NPHP4: variants seen among roughly 807,000 people sequenced by gnomAD.
NPHP4 encodes the protein nephrocystin-4.
NPHP4 carries 151 observed loss-of-function variants against 155.8 expected under a neutral mutation model. The ratio of observed to expected loss-of-function variants is 0.97; its 90% CI spans 0.85 to 1.11. The LOEUF (loss-of-function observed/expected upper bound fraction) is 1.11, where lower values mean the gene tolerates loss of function less well. Ranked by LOEUF, NPHP4 falls within the 50% of genes least tolerant of loss-of-function variation. The pLI is 0.00. For missense variants in NPHP4, 1,956 were observed against 1,925.7 expected, an observed-to-expected ratio of 1.02 and a Z score of -0.29; for synonymous variants, 845 against 816.8, an observed-to-expected ratio of 1.03 and a Z score of -0.59.
intron 3 of NPHP4, among the ~76,000 whole-genome samples, chr1:5,977,251 C>T (rs926752744): frequency 1.3e-5 from 2 of 152,028 alleles, no homozygotes; most frequent in African/African-American, 4.8e-5. Context: ...CCAGAAGGCA[C>T]GACGGGGCCA....
intron 29 of NPHP4, 126 bp from the exon 30 acceptor site, chr1:5,863,531 C>T: frequency 1.8e-6 from 2 of 1,139,114 alleles, no homozygotes; most frequent in South Asian, 1.4e-5. Context: ...CCTGCGGGTG[C>T]ATCCAAGGCC....
At chr1:5,973,530 T>A (rs1652971656) in intron 3 of NPHP4, among the ~76,000 whole-genome samples, 1 of 152,142 alleles carries the variant, frequency 6.6e-6, no homozygotes, top group Non-Finnish European at 1.5e-5. Context: ...AAGGCTGCAA[T>A]GAGCTATGAT....
chr1:5,876,971 T>C, intron 20 of NPHP4, 122 bp downstream of exon 20: 1 of 681,036 alleles, frequency 1.5e-6, no homozygotes, highest in Non-Finnish European at 2.1e-6. Context: ...TTTTCTTATA[T>C]TCTGTCCCCA....
intron 6 of NPHP4, among the ~76,000 whole-genome samples, chr1:5,958,178 C>T (rs1475924506): frequency 2.0e-5 from 3 of 152,250 alleles, no homozygotes; most frequent in Admixed American, 6.5e-5. Flanking sequence ...TTTTAAAACG[C>T]TCTTTAGCAT....
intron 9 of NPHP4, among the ~76,000 whole-genome samples, chr1:5,945,932 G>A (rs115442234): frequency 0.042 from 6,333 of 152,050 alleles, 185 homozygotes; most frequent in Middle Eastern, 0.065. Context: ...TCATCCCTCC[G>A]TCCCGCATAT....
chr1:5,977,143 C>G (rs1182060664), intron 3 of NPHP4, among the ~76,000 whole-genome samples: 1 of 152,140 alleles, frequency 6.6e-6, no homozygotes, highest in African/African-American at 2.4e-5. Flanking sequence ...TCGAGTTCAG[C>G]TGTGAAGCAG....
intron 11 of NPHP4, among the ~76,000 whole-genome samples, chr1:5,916,707 G>C (rs963463229): frequency 4.6e-5 from 7 of 152,324 alleles, no homozygotes; most frequent in Admixed American, 2.0e-4. Context: ...CCACAGCTCT[G>C]CATCTTAAGA....
intron 1 of NPHP4, among the ~76,000 whole-genome samples, chr1:5,991,100 GCCT>G (rs1314566374): frequency 1.3e-5 from 2 of 151,772 alleles, no homozygotes; most frequent in African/African-American, 4.8e-5. Flanking sequence ...GGTCCGGGAA[GCCT>G]CCTTCCCGGA....
intron 11 of NPHP4, among the ~76,000 whole-genome samples, chr1:5,925,760 C>T (rs1289563512): frequency 3.9e-5 from 6 of 152,084 alleles, no homozygotes; most frequent in Admixed American, 6.5e-5. Flanking sequence ...GGACTACAGG[C>T]GCCCGCCACC....
intron 9 of NPHP4, among the ~76,000 whole-genome samples, chr1:5,934,911 T>C (rs1388016389): frequency 6.6e-6 from 1 of 152,138 alleles, no homozygotes; most frequent in Non-Finnish European, 1.5e-5. Context: ...TAAGGGACTT[T>C]GCTTATTTGG....
intron 9 of NPHP4, among the ~76,000 whole-genome samples, chr1:5,939,224 T>C (rs965490552): frequency 6.6e-6 from 1 of 152,170 alleles, no homozygotes; most frequent in Non-Finnish European, 1.5e-5. Flanking sequence ...ACATGAATAA[T>C]GAAAAAACTG....
chr1:5,934,246 G>A (rs1278704050), intron 9 of NPHP4, among the ~76,000 whole-genome samples: 2 of 152,090 alleles, frequency 1.3e-5, no homozygotes, highest in Non-Finnish European at 2.9e-5. Context: ...CCAGGAAGCC[G>A]ATTAGCCAGA....
rs1644210430 is a variant in NPHP4 at position 5,892,947 on chromosome 1, AAC to A, written c.2144-1921_2144-1920del. Reference sequence around the variant, plus strand: ...TGCTTCTGGGGTTGAGGAAACAGAAAACACAGTAATGGTAGAAACTAACCACT... The same window carrying A: ...TGCTTCTGGGGTTGAGGAAACAGAAAACAGTAATGGTAGAAACTAACCACT... On this transcript the variant is annotated intron_variant, in intron 16 of 29. Transcript: ENST00000378156. The surrounding 1 kb of genome is among the most constrained non-coding windows in gnomAD (Gnocchi z 4.5). 1.3e-5 allele frequency among the ~76,000 whole-genome samples: 2 copies of A among 152,268 alleles called. No individual in the cohort carries two copies. The highest frequency in any genetic ancestry group is 1.3e-4 in the Admixed American group (2 of 15,304).
At chr1:5,872,613 G>A (rs1023483702) in intron 23 of NPHP4, among the ~76,000 whole-genome samples, 6 of 152,308 alleles carry the variant, frequency 3.9e-5, no homozygotes, top group East Asian at 3.9e-4. Flanking sequence ...CCCGGGCCAC[G>A]GGAACGCCAC....
intron 29 of NPHP4, 27 bp downstream of exon 29, chr1:5,863,863 G>C (rs751055228): frequency 6.2e-7 from 1 of 1,612,954 alleles, no homozygotes; most frequent in Non-Finnish European, 8.5e-7. Context: ...TCTTCCCCTA[G>C]GAGTCCCAGG....
chr1:5,887,199 G>T, intron 18 of NPHP4, 87 bp downstream of exon 18: 1 of 1,278,884 alleles, frequency 7.8e-7, no homozygotes, highest in Non-Finnish European at 1.1e-6. Flanking sequence ...TGAAGCCCAT[G>T]ATGTGGCCCC....
chr1:5,897,649 A>G (rs1456887838), intron 16 of NPHP4, among the ~76,000 whole-genome samples: 2 of 152,204 alleles, frequency 1.3e-5, no homozygotes, highest in African/African-American at 2.4e-5. Flanking sequence ...AGCCAGTGTC[A>G]CTGGAAAAGA....
In NPHP4 at chr1:5,907,943, G is replaced by A. The variant is rs141283436; in HGVS notation, c.1504-721C>T. Among the ~76,000 whole-genome samples, 526 of 152,342 alleles carry A rather than the reference G, an allele frequency of 3.5e-3. 7 individuals carry two copies. Among genetic ancestry groups the A allele is most frequent in the South Asian group, 0.013 (61 of 4,826 alleles). ...TGAGTGCGGCTTAAAACACTGATGCGGAGGGCTGGGGGCCCACGCACTACT... is the reference window on the plus strand; with the variant it reads ...TGAGTGCGGCTTAAAACACTGATGCAGAGGGCTGGGGGCCCACGCACTACT... On this transcript the variant is annotated intron_variant, in intron 12 of 29. Transcript: ENST00000378156.
intron 1 of NPHP4, among the ~76,000 whole-genome samples, chr1:5,990,835 C>T (rs1656140648): frequency 6.6e-6 from 1 of 152,212 alleles, no homozygotes; most frequent in Non-Finnish European, 1.5e-5. Flanking sequence ...AGCCTCCCCA[C>T]CTGTTTCCAA....
Sources: allele counts gnomAD v4.1 joint callset (sites outside exome capture counted in the v4.1 genomes callset), GRCh38; gene constraint gnomAD v4.1.1; non-coding constraint Gnocchi (gnomAD v3.1); transcripts MANE v1.5; gene names NCBI Gene and HGNC (gene_info 2026-07-23, HGNC 2026-07-21).